The following CTNNA2 variants were observed in gnomAD, a reference collection of about 807,000 sequenced individuals.
The protein encoded by CTNNA2 is catenin alpha-2.
CTNNA2 carries 42 observed loss-of-function variants against 101.0 expected under a neutral mutation model. The ratio of observed to expected loss-of-function variants is 0.42; its 90% CI spans 0.32 to 0.54. CTNNA2 has a LOEUF of 0.54. CTNNA2 is among the 20% of genes least tolerant of loss of function. The pLI, the probability that CTNNA2 is intolerant of heterozygous loss-of-function variation, is 0.14. For synonymous variants in CTNNA2, 450 were observed against 456.4 expected (o/e 0.99, Z 0.18); for missense variants, 871 against 1,223.1 (o/e 0.71, Z 4.29).
intron 1 of CTNNA2, among the ~76,000 whole-genome samples, chr2:79,548,806 C>G (rs772639508): frequency 1.4e-4 from 21 of 152,138 alleles, no homozygotes; most frequent in Admixed American, 8.5e-4. Context: ...TTCAGCTGGC[C>G]TGGCCTGCCC....
chr2:80,209,713 A>G (rs1309591402), intron 7 of CTNNA2, among the ~76,000 whole-genome samples: 2 of 152,258 alleles, frequency 1.3e-5, no homozygotes, highest in East Asian at 3.9e-4. Context: ...CTGTGCTTGT[A>G]CAAAGAGAAA....
intron 3 of CTNNA2, among the ~76,000 whole-genome samples, chr2:79,321,953 TATG>T (rs1292240071): frequency 2.6e-5 from 4 of 152,166 alleles, no homozygotes; most frequent in African/African-American, 9.7e-5. Context: ...CCAGCAGACA[TATG>T]ATCCCCAACT....
At chr2:80,561,580 G>GC (rs1693597265) in intron 12 of CTNNA2, among the ~76,000 whole-genome samples, 1 of 152,176 alleles carries the variant, frequency 6.6e-6, no homozygotes, top group Non-Finnish European at 1.5e-5. Flanking sequence ...GGAGGTCTGT[G>GC]CTACAGGTGG....
chr2:79,666,079 G>C (rs1183139767), intron 2 of CTNNA2, among the ~76,000 whole-genome samples: 2 of 152,096 alleles, frequency 1.3e-5, no homozygotes, highest in Admixed American at 6.6e-5. Flanking sequence ...CTCTTTTGCA[G>C]ACTTTTTCAA....
chr2:80,174,056 A>G (rs898042696), intron 7 of CTNNA2, among the ~76,000 whole-genome samples: 1 of 152,180 alleles, frequency 6.6e-6, no homozygotes, highest in Non-Finnish European at 1.5e-5. Context: ...CTGGGAGGTA[A>G]TAGATTGATG....
At chr2:80,125,937 C>A (rs1375297625) in intron 7 of CTNNA2, among the ~76,000 whole-genome samples, 1 of 152,132 alleles carries the variant, frequency 6.6e-6, no homozygotes, top group Non-Finnish European at 1.5e-5. Context: ...ACCGAAGCAC[C>A]TGGTTCACTT....
chr2:79,533,864 A>G (rs1028403337), intron 1 of CTNNA2, among the ~76,000 whole-genome samples: 8 of 152,136 alleles, frequency 5.3e-5, no homozygotes, highest in Admixed American at 3.9e-4. Context: ...ATATATCCAT[A>G]TATCCTACAT....
In CTNNA2 at chr2:80,451,429, C is replaced by A. The variant is rs1359954389; in HGVS notation, c.1290+31828C>A. Among the ~76,000 whole-genome samples, 4 of 152,170 alleles carry A rather than the reference C, an allele frequency of 2.6e-5. 1 individual carries two copies. Among genetic ancestry groups the A allele is most frequent in the African/African-American group, 7.2e-5 (3 of 41,444 alleles). On this transcript the variant is annotated intron_variant, in intron 9 of 18. Coordinates refer to ENST00000402739, the MANE Select transcript of CTNNA2 (RefSeq NM_001282597.3). ...GATGGTAAGTTTCCTGAGGCCTCCC[C>A]AGCCCTGTGGAACTGTAAGTCAATT... is the stretch of plus-strand genomic sequence containing the variant.
intron 2 of CTNNA2, among the ~76,000 whole-genome samples, chr2:79,247,197 C>T (rs868356168): frequency 2.0e-5 from 3 of 152,174 alleles, no homozygotes; most frequent in Non-Finnish European, 4.4e-5. Context: ...TGGAAAAATT[C>T]ACACAACTCA....
intron 9 of CTNNA2, among the ~76,000 whole-genome samples, chr2:80,512,304 T>A (rs558856291): frequency 3.3e-5 from 5 of 152,026 alleles, no homozygotes; most frequent in Non-Finnish European, 5.9e-5. Context: ...TTGAAGTTCA[T>A]AATAGCAAAG....
chr2:80,268,011 G>C (rs939949947), intron 7 of CTNNA2, among the ~76,000 whole-genome samples: 1 of 152,338 alleles, frequency 6.6e-6, no homozygotes, highest in Middle Eastern at 3.4e-3. Context: ...CTTGGAAGTG[G>C]CTGCAGTCTG....
At chr2:79,512,486 C>T (rs971514651), upstream of CTNNA2, among the ~76,000 whole-genome samples, 2 of 152,084 alleles carry the variant, frequency 1.3e-5, no homozygotes, top group Non-Finnish European at 1.5e-5. Flanking sequence ...CTTTGCAGCA[C>T]TCTGGCCCTG....
chr2:80,419,626 TAGAGTTTAC>T, intron 9 of CTNNA2, 25 bp downstream of exon 9: 1 of 1,611,712 alleles, frequency 6.2e-7, no homozygotes, highest in Non-Finnish European at 8.5e-7. Flanking sequence ...GCCTGAAGAC[TAGAGTTTAC>T]CGATGGGTTC....
At chr2:79,442,718 C>T (rs1321471294) in intron 4 of CTNNA2, among the ~76,000 whole-genome samples, 2 of 152,054 alleles carry the variant, frequency 1.3e-5, no homozygotes, top group East Asian at 3.9e-4. Flanking sequence ...GAACATTATC[C>T]TCAGGTTAAT....
At chr2:79,951,127 G>A (rs138917499) in intron 7 of CTNNA2, among the ~76,000 whole-genome samples, 2 of 152,150 alleles carry the variant, frequency 1.3e-5, no homozygotes, top group African/African-American at 4.8e-5. Flanking sequence ...TCTAGCAAAA[G>A]AGCAGAAAAC....
chr2:80,146,709 G>GTTTTTTTTT (rs1384506245), intron 7 of CTNNA2, among the ~76,000 whole-genome samples: 1 of 70,464 alleles, frequency 1.4e-5, no homozygotes, highest in Non-Finnish European at 3.2e-5. Context: ...AGTCCCCTCT[G>GTTTTTTTTT]GTTTTTTTTT....
intron 7 of CTNNA2, among the ~76,000 whole-genome samples, chr2:79,978,204 C>G: frequency 1.3e-5 from 2 of 152,104 alleles, no homozygotes; most frequent in East Asian, 3.9e-4. Context: ...CTAAGACATT[C>G]GGGCCATACA....
At chr2:79,431,675 C>A (rs1408131711) in intron 4 of CTNNA2, among the ~76,000 whole-genome samples, 1 of 152,140 alleles carries the variant, frequency 6.6e-6, no homozygotes, top group African/African-American at 2.4e-5. Flanking sequence ...ATGCAATCTG[C>A]AATGCACTAT....
intron 3 of CTNNA2, among the ~76,000 whole-genome samples, chr2:79,814,487 G>C (rs1344055735): frequency 1.3e-5 from 2 of 151,868 alleles, no homozygotes; most frequent in African/African-American, 4.8e-5. Context: ...ACAATATTTG[G>C]TTTTCCATTC....
Sources: allele counts gnomAD v4.1 joint callset (sites outside exome capture counted in the v4.1 genomes callset), GRCh38; gene constraint gnomAD v4.1.1; transcripts MANE v1.5; gene names NCBI Gene and HGNC (gene_info 2026-07-23, HGNC 2026-07-21).